Variants in ANGPT1 observed in about 807,000 individuals in gnomAD.
The protein encoded by ANGPT1 is angiopoietin-1.
A neutral mutation model predicts 62.2 loss-of-function variants in ANGPT1; 17 were observed. That is an observed-to-expected ratio of 0.27 (90% CI 0.19 to 0.41). The LOEUF (loss-of-function observed/expected upper bound fraction) is 0.41. Ranked by LOEUF, ANGPT1 falls within the 10% of genes least tolerant of loss-of-function variation. The pLI, the probability that ANGPT1 is intolerant of heterozygous loss-of-function variation, is 1.00. For synonymous variants in ANGPT1, 199 were observed against 198.9 expected, an observed-to-expected ratio of 1.00 and a Z score of 0.00; for missense variants, 478 against 594.9, an observed-to-expected ratio of 0.80 and a Z score of 2.04.
At chr8:107,297,019 T>C (rs1253743637) in intron 5 of ANGPT1, among the ~76,000 whole-genome samples, 1 of 148,024 alleles carries the variant, frequency 6.8e-6, no homozygotes, top group Non-Finnish European at 1.5e-5. Flanking sequence ...AGCTTTTAAA[T>C]CACTCGGAAA....
intron 3 of ANGPT1, 56 bp downstream of exon 3, chr8:107,336,094 G>A: frequency 6.7e-7 from 1 of 1,500,108 alleles, no homozygotes; most frequent in East Asian, 2.5e-5. Context: ...TGGCAGAGAG[G>A]TGAAGGATAT....
At chr8:107,378,233 T>C (rs1459017297) in intron 1 of ANGPT1, among the ~76,000 whole-genome samples, 1 of 152,214 alleles carries the variant, frequency 6.6e-6, no homozygotes, top group Non-Finnish European at 1.5e-5. Flanking sequence ...GTTGTCATTA[T>C]GATTATTGTT....
intron 1 of ANGPT1, among the ~76,000 whole-genome samples, chr8:107,452,617 C>T (rs1454631091): frequency 6.6e-6 from 1 of 151,514 alleles, no homozygotes; most frequent in Non-Finnish European, 1.5e-5. Flanking sequence ...TTTTGATGGC[C>T]ATATATTTAA....
At chr8:107,475,776 G>A (rs1812506965) in intron 1 of ANGPT1, among the ~76,000 whole-genome samples, 1 of 152,120 alleles carries the variant, frequency 6.6e-6, no homozygotes, top group African/African-American at 2.4e-5. Context: ...GTGGGTGAAG[G>A]ATATGAACAG....
intron 1 of ANGPT1, among the ~76,000 whole-genome samples, chr8:107,361,118 C>T (rs1448396431): frequency 6.6e-6 from 1 of 152,002 alleles, no homozygotes; most frequent in East Asian, 1.9e-4. Context: ...CAAATAAGCA[C>T]AAATATCAAG....
intron 1 of ANGPT1, among the ~76,000 whole-genome samples, chr8:107,397,139 G>A (rs529814108): frequency 2.0e-5 from 3 of 152,220 alleles, no homozygotes; most frequent in African/African-American, 4.8e-5. Flanking sequence ...TGAGTTACCC[G>A]TAGAAGGAAC....
intron 1 of ANGPT1, among the ~76,000 whole-genome samples, chr8:107,398,799 A>C (rs1352704949): frequency 2.0e-5 from 3 of 152,204 alleles, no homozygotes; most frequent in African/African-American, 7.2e-5. Context: ...ATTACCTTTC[A>C]GAGAAAGAGT....
intron 3 of ANGPT1, among the ~76,000 whole-genome samples, chr8:107,335,095 T>C (rs552325871): frequency 1.3e-5 from 2 of 152,346 alleles, no homozygotes; most frequent in South Asian, 4.2e-4. Flanking sequence ...GTAGATAATA[T>C]GAAGAGGCCA....
intron 5 of ANGPT1, among the ~76,000 whole-genome samples, chr8:107,301,648 C>A (rs1366361941): frequency 6.6e-6 from 1 of 151,952 alleles, no homozygotes; most frequent in Non-Finnish European, 1.5e-5. Context: ...AACCACACTT[C>A]TCTGGTAGAT....
chr8:107,359,170 T>A (rs1436661463), intron 1 of ANGPT1, among the ~76,000 whole-genome samples: 1 of 152,182 alleles, frequency 6.6e-6, no homozygotes. Context: ...TAATTCTAAC[T>A]GCTAATAAAA....
At chr8:107,326,638 A>G (rs1815295582) in intron 3 of ANGPT1, among the ~76,000 whole-genome samples, 1 of 151,988 alleles carries the variant, frequency 6.6e-6, no homozygotes, top group Non-Finnish European at 1.5e-5. Flanking sequence ...TTCAATGCAA[A>G]CCTCACTTGC....
At chr8:107,353,349 G>C (rs1199332638) in intron 1 of ANGPT1, among the ~76,000 whole-genome samples, 1 of 152,118 alleles carries the variant, frequency 6.6e-6, no homozygotes, top group African/African-American at 2.4e-5. Flanking sequence ...TCTGTGTGTG[G>C]GAAACCCAGG....
intron 1 of ANGPT1, among the ~76,000 whole-genome samples, chr8:107,460,436 C>A (rs1487608664): frequency 6.6e-6 from 1 of 152,108 alleles, no homozygotes; most frequent in Non-Finnish European, 1.5e-5. Flanking sequence ...TTAGATAAAT[C>A]TTTCATAAAA....
At chr8:107,261,044 G>A (rs536579838) in intron 8 of ANGPT1, among the ~76,000 whole-genome samples, 1 of 152,106 alleles carries the variant, frequency 6.6e-6, no homozygotes, top group South Asian at 2.1e-4. Context: ...AGATTTTACT[G>A]TTGGTTTTTT....
chr8:107,413,482 A>C (rs1239763983), intron 1 of ANGPT1, among the ~76,000 whole-genome samples: 1 of 152,040 alleles, frequency 6.6e-6, no homozygotes, highest in Non-Finnish European at 1.5e-5. Flanking sequence ...CAGGCTCAAA[A>C]TTTAACCAAA....
chr8:107,279,071 G>T (rs113257035), intron 7 of ANGPT1, among the ~76,000 whole-genome samples: 226 of 152,190 alleles, frequency 1.5e-3, no homozygotes, highest in Non-Finnish European at 2.6e-3. Context: ...CCTTCCAGTG[G>T]ACATAGCATC....
chr8:107,438,024 G>T (rs1320453722), intron 1 of ANGPT1, among the ~76,000 whole-genome samples: 2 of 152,154 alleles, frequency 1.3e-5, no homozygotes, highest in Non-Finnish European at 2.9e-5. Context: ...AAAATCTCAT[G>T]CCTCAAAGTC....
At chr8:107,426,069 T>C (rs1811033476) in intron 1 of ANGPT1, among the ~76,000 whole-genome samples, 1 of 151,692 alleles carries the variant, frequency 6.6e-6, no homozygotes, top group Admixed American at 6.6e-5. Context: ...ACTGGACTTC[T>C]GGGGACTCAT....
chr8:107,327,503 T>C (rs1380010917), intron 3 of ANGPT1, among the ~76,000 whole-genome samples: 2 of 152,150 alleles, frequency 1.3e-5, no homozygotes, highest in Non-Finnish European at 2.9e-5. Flanking sequence ...GTGCACTGTT[T>C]CCTAGAGCAT....
Sources: allele counts gnomAD v4.1 joint callset (sites outside exome capture counted in the v4.1 genomes callset), GRCh38; gene constraint gnomAD v4.1.1; transcripts MANE v1.5; gene names NCBI Gene and HGNC (gene_info 2026-07-23, HGNC 2026-07-21).